The following ZMYND11 variants were observed in gnomAD, a reference collection of about 807,000 sequenced individuals.
The protein encoded by ZMYND11 is zinc finger MYND domain-containing protein 11.
In ZMYND11, 9 loss-of-function variants were observed where a neutral mutation model predicts 84.9. That is an observed-to-expected ratio of 0.11 (90% CI 0.06 to 0.18). The LOEUF is 0.18. Among genes scored for constraint, ZMYND11 ranks in the 10% least tolerant of loss-of-function variants. The pLI is 1.00. For missense variants in ZMYND11, 409 were observed against 761.0 expected, an observed-to-expected ratio of 0.54 and a Z score of 5.44; for synonymous variants, 250 against 244.1, an observed-to-expected ratio of 1.02 and a Z score of -0.23.
intron 2 of ZMYND11, among the ~76,000 whole-genome samples, chr10:200,341 CAT>C (rs1036250777): frequency 5.9e-4 from 84 of 141,974 alleles, no homozygotes; most frequent in Middle Eastern, 3.6e-3. Flanking sequence ...TTATATATAA[CAT>C]ATATACATAT....
upstream of ZMYND11, among the ~76,000 whole-genome samples, chr10:134,126 T>A (rs1835418355): frequency 6.6e-6 from 1 of 152,272 alleles, no homozygotes; most frequent in African/African-American, 2.4e-5. Flanking sequence ...CTACGTTTTC[T>A]CCTATACACA....
At chr10:145,705 G>A (rs1226790608) in intron 1 of ZMYND11, among the ~76,000 whole-genome samples, 2 of 152,068 alleles carry the variant, frequency 1.3e-5, no homozygotes, top group African/African-American at 4.8e-5. Context: ...TCTTTGAGAA[G>A]TGTCTATTCA....
chr10:210,187 T>A (rs1422396244), intron 3 of ZMYND11, 139 bp downstream of exon 3: 1 of 888,644 alleles, frequency 1.1e-6, no homozygotes. Flanking sequence ...GGCTCTACAT[T>A]GGTAGTATGG....
At chr10:212,762 T>G (rs1945480213) in intron 3 of ZMYND11, among the ~76,000 whole-genome samples, 1 of 152,190 alleles carries the variant, frequency 6.6e-6, no homozygotes, top group African/African-American at 2.4e-5. Flanking sequence ...CGCCTGTATA[T>G]AATATAGTAA....
chr10:217,633 T>C (rs1237612121), intron 3 of ZMYND11, among the ~76,000 whole-genome samples: 1 of 152,164 alleles, frequency 6.6e-6, no homozygotes, highest in Non-Finnish European at 1.5e-5. Flanking sequence ...TGTGACTTGG[T>C]CAGTTCCTGT....
rs1588971025 is a variant in ZMYND11, at chr10:209,971, G to A, written c.199G>A (p.Glu67Lys). 2 of 1,614,066 alleles carry A rather than the reference G, an allele frequency of 1.2e-6. No individual in the cohort carries two copies. Among genetic ancestry groups the A allele is most frequent in the Non-Finnish European group, 1.7e-6 (2 of 1,179,988 alleles). Reference protein sequence around the residue: ...SLAVKDGLIVETLTVGCKGSK... With the variant: ...SLAVKDGLIVKTLTVGCKGSK... ...AGCTGTGAAAGATGGTCTTATTGTC[G>A]AAACTCTAACAGTGGGCTGCAAAGG... is the stretch of plus-strand genomic sequence containing the variant. Residue 67 changes from glutamate to lysine, a missense_variant, in exon 3 of 15, where the codon GAA becomes AAA. By Grantham distance (56) the Glu-to-Lys change is moderately conservative. Around this residue, in one of 7 missense-constraint regions of ZMYND11, gnomAD observed 73 missense variants for 185.8 expected, o/e 0.39. Transcript: ENST00000381604.
chr10:200,132 G>A (rs760197375), intron 2 of ZMYND11, among the ~76,000 whole-genome samples: 23 of 150,958 alleles, frequency 1.5e-4, no homozygotes, highest in Non-Finnish European at 2.8e-4. Context: ...TCTAACAGAG[G>A]TTTTGGCAGG....
chr10:204,836 G>T (rs555586470), intron 2 of ZMYND11, among the ~76,000 whole-genome samples: 1 of 151,518 alleles, frequency 6.6e-6, no homozygotes, highest in Admixed American at 6.6e-5. Flanking sequence ...TCAATTCCTA[G>T]AATTAGTATA....
rs376924689 is a variant in ZMYND11, at chr10:233,517, T to G, written c.439-3321T>G. On this transcript the variant is annotated intron_variant, in intron 4 of 14. Coordinates refer to ENST00000381604, the MANE Select transcript of ZMYND11 (RefSeq NM_001370100.5). ...AACACTTAAGTAGGATATCTGAATC[T>G]GAATGGTGCTCTGTTAAAATGAGGT... 4.6e-5 allele frequency among the ~76,000 whole-genome samples: 7 copies of G among 152,358 alleles called. No homozygotes were observed. The East Asian group carries it at 1.3e-3, about 29-fold the overall frequency.
chr10:162,351 T>A (rs1588557694), intron 1 of ZMYND11, among the ~76,000 whole-genome samples: 1 of 151,994 alleles, frequency 6.6e-6, no homozygotes, highest in East Asian at 1.9e-4. Flanking sequence ...TTGTGATACT[T>A]AACAAAATGT....
At chr10:221,036 A>G (rs1276835953) in intron 3 of ZMYND11, among the ~76,000 whole-genome samples, 159 bp from the exon 4 acceptor site, 3 of 152,232 alleles carry the variant, frequency 2.0e-5, no homozygotes, top group African/African-American at 7.2e-5. Flanking sequence ...AATTTAAAGC[A>G]GCAACTTTCT....
chr10:235,909 C>G (rs1016098187), intron 4 of ZMYND11, among the ~76,000 whole-genome samples: 1 of 152,212 alleles, frequency 6.6e-6, no homozygotes, highest in Admixed American at 6.5e-5. Context: ...CACTTAAGCC[C>G]TAGCTAAAAG....
intron 2 of ZMYND11, among the ~76,000 whole-genome samples, chr10:185,850 G>T (rs796359907): frequency 2.0e-5 from 3 of 150,248 alleles, no homozygotes; most frequent in African/African-American, 7.3e-5. Context: ...AAAAAAAGAC[G>T]GTTGCTAAAG....
chr10:155,438 C>T (rs1466366368), intron 1 of ZMYND11, among the ~76,000 whole-genome samples: 2 of 152,034 alleles, frequency 1.3e-5, no homozygotes, highest in African/African-American at 4.8e-5. Context: ...CTCTTGAGGC[C>T]AGTAGTTTGA....
At position 149,737 on chromosome 10, in the gene ZMYND11, C is replaced by T. The variant is rs547536322; in HGVS notation, c.-20+14178C>T. 6.0e-4 allele frequency among the ~76,000 whole-genome samples: 91 copies of T among 152,216 alleles called. 1 individual carries two copies. The Middle Eastern group carries it at 0.02, about 34-fold the overall frequency. ...TATCCAGTCTCACACTTTAAATAGA[C>T]ATTGTATCACTTAGGAGAAGGGCAA... On this transcript the variant is annotated intron_variant, in intron 1 of 14. Transcript: ENST00000381604.
intron 1 of ZMYND11, among the ~76,000 whole-genome samples, chr10:169,203 TC>T (rs1208777959): frequency 2.0e-5 from 3 of 152,186 alleles, no homozygotes; most frequent in African/African-American, 7.2e-5. Context: ...CCTCCAGTCA[TC>T]CTGTCCCACA....
In ZMYND11 at chr10:173,729, ATTTT is replaced by A. The variant is rs369854415; in HGVS notation, c.-19-6261_-19-6258del. The stretch of plus-strand genomic sequence containing the variant: ...CTGTTTCAAAAATACTAAAAAAAAA[ATTTT>A]TTTAAGGGCAAAAGACCTGGCTGGA... On this transcript the variant is annotated intron_variant, in intron 1 of 14. Coordinates refer to ENST00000381604, the MANE Select transcript of ZMYND11 (RefSeq NM_001370100.5). Among the ~76,000 whole-genome samples, 33 of 151,978 alleles carry A rather than the reference ATTTT, an allele frequency of 2.2e-4. No homozygotes were observed. The East Asian group carries it at 6.2e-3, about 28-fold the overall frequency.
intron 6 of ZMYND11, among the ~76,000 whole-genome samples, chr10:239,007 T>C (rs1478630454): frequency 6.6e-6 from 1 of 152,210 alleles, no homozygotes; most frequent in Non-Finnish European, 1.5e-5. Context: ...TTAGTAGTTA[T>C]GGTAAACTGT....
chr10:253,275 T>G lies in ZMYND11; in HGVS notation c.*805T>G, dbSNP rs1018739518. 3.3e-5 allele frequency: 5 copies of G among 152,656 alleles called. No homozygotes were observed. Among genetic ancestry groups the G allele is most frequent in the African/African-American group, 1.2e-4 (5 of 41,462 alleles). The allele number at this position is 152,656 out of a possible 1,614,324, so 9.5% of individuals were successfully genotyped here. A position where few individuals can be genotyped will look rare whatever the true frequency, so the allele number is the denominator to read the frequency against. On this transcript the variant is annotated 3_prime_UTR_variant, in exon 15 of 15. Transcript: ENST00000381604. ...CAAAGCCAAAAACTACCTTTATCCATATGTGAAATTATAGATGAGGCATAC... is the reference window on the plus strand; with the variant it reads ...CAAAGCCAAAAACTACCTTTATCCAGATGTGAAATTATAGATGAGGCATAC...
Sources: allele counts gnomAD v4.1 joint callset (sites outside exome capture counted in the v4.1 genomes callset), GRCh38; gene constraint gnomAD v4.1.1; regional missense constraint gnomAD v4.1.1; transcripts MANE v1.5; gene names NCBI Gene and HGNC (gene_info 2026-07-23, HGNC 2026-07-21).